Variants in PCDH9 observed in about 807,000 individuals in gnomAD.
PCDH9 encodes the protein protocadherin 9, also known as protocadherin-9.
Under a neutral mutation model 70.6 loss-of-function variants are expected in PCDH9, and 24 were observed. The ratio of observed to expected loss-of-function variants is 0.34; its 90% CI spans 0.25 to 0.48. PCDH9 has a LOEUF of 0.48. Ranked by LOEUF, PCDH9 falls within the 20% of genes least tolerant of loss-of-function variation. PCDH9 has a pLI of 0.99. For missense variants in PCDH9, 1,281 were observed against 1,503.6 expected, an observed-to-expected ratio of 0.85 and a Z score of 2.45; for synonymous variants, 562 against 558.5, an observed-to-expected ratio of 1.01 and a Z score of -0.09.
intron 2 of PCDH9, among the ~76,000 whole-genome samples, chr13:67,116,411 C>G (rs1351416692): frequency 6.6e-6 from 1 of 151,840 alleles, no homozygotes; most frequent in Non-Finnish European, 1.5e-5. Flanking sequence ...GATGATTTTC[C>G]CCACAACTTC....
intron 4 of PCDH9, among the ~76,000 whole-genome samples, chr13:66,404,501 A>T (rs1293683170): frequency 6.6e-6 from 1 of 152,160 alleles, no homozygotes; most frequent in African/African-American, 2.4e-5. Context: ...TTGTAAGGAA[A>T]TTGGATTCAC....
At chr13:66,796,915 A>G (rs975174213) in intron 3 of PCDH9, among the ~76,000 whole-genome samples, 4 of 152,136 alleles carry the variant, frequency 2.6e-5, no homozygotes, top group Non-Finnish European at 4.4e-5. Flanking sequence ...TTTCTGTGGC[A>G]GATGAAGACT....
intron 2 of PCDH9, among the ~76,000 whole-genome samples, chr13:67,004,532 G>A (rs2084310041): frequency 6.9e-6 from 1 of 144,528 alleles, no homozygotes. Flanking sequence ...ACTCCAGCCT[G>A]GGTGACAGAG....
intron 3 of PCDH9, among the ~76,000 whole-genome samples, chr13:66,822,740 C>G (rs1315135319): frequency 6.6e-6 from 1 of 151,798 alleles, no homozygotes; most frequent in Non-Finnish European, 1.5e-5. Flanking sequence ...TGGCCCCTGA[C>G]CTAAAGTGAT....
chr13:66,761,133 C>G (rs1328762307), intron 3 of PCDH9, among the ~76,000 whole-genome samples: 1 of 151,498 alleles, frequency 6.6e-6, no homozygotes, highest in African/African-American at 2.4e-5. Context: ...CGACCCACAC[C>G]CTATTCGTAC....
chr13:66,904,668 C>A (rs1048460497), intron 2 of PCDH9, among the ~76,000 whole-genome samples: 7 of 151,958 alleles, frequency 4.6e-5, no homozygotes, highest in African/African-American at 1.7e-4. Context: ...TTTACTATCT[C>A]AAAGTAAAAT....
intron 3 of PCDH9, among the ~76,000 whole-genome samples, chr13:66,793,696 A>C (rs930694923): frequency 4.6e-5 from 7 of 152,322 alleles, no homozygotes; most frequent in African/African-American, 1.7e-4. Flanking sequence ...AGGAAAAAAG[A>C]GTATAAGGCA....
At chr13:67,032,673 G>A (rs997310574) in intron 2 of PCDH9, among the ~76,000 whole-genome samples, 2 of 152,158 alleles carry the variant, frequency 1.3e-5, no homozygotes, top group African/African-American at 2.4e-5. Flanking sequence ...TTGGACAAAT[G>A]TCCATGCTAT....
intron 2 of PCDH9, among the ~76,000 whole-genome samples, chr13:66,911,918 C>A (rs573262240): frequency 1.3e-5 from 2 of 152,170 alleles, no homozygotes; most frequent in African/African-American, 4.8e-5. Flanking sequence ...TTTTTGGGTG[C>A]CAGGGTTAGT....
At position 67,109,364 on chromosome 13, in the gene PCDH9, A is replaced by C. The variant is rs543169226; in HGVS notation, c.3036+116041T>G. Among the ~76,000 whole-genome samples, 51 of 152,308 alleles carry C rather than the reference A, an allele frequency of 3.3e-4. No individual in the cohort carries two copies. In the South Asian group the frequency reaches 0.011, roughly 32 times the overall value. On this transcript the variant is annotated intron_variant, in intron 2 of 4. Coordinates refer to ENST00000377865, the MANE Select transcript of PCDH9 (RefSeq NM_203487.3). ...AGATTTAGGTAATTGCGTGTTATGA[A>C]AATGATTAAATTCATTTCCCTAAGT... is the stretch of plus-strand genomic sequence containing the variant.
rs766300818 is a variant in PCDH9 at position 67,225,882 on chromosome 13, A to G, written c.2559T>C (p.Gly853=). 32 of 1,613,950 alleles carry G rather than the reference A, an allele frequency of 2.0e-5. No individual in the cohort carries two copies. Among genetic ancestry groups the G allele is most frequent in the Non-Finnish European group, 2.5e-5 (29 of 1,180,002 alleles). The change falls in exon 2 of 5, where the codon GGT becomes GGC. Residue 853 remains glycine, a synonymous_variant. Coordinates refer to ENST00000377865, the MANE Select transcript of PCDH9 (RefSeq NM_203487.3). ...RFKAAQRSKQ[G]AEWMSPNQEN... ...CCTGGTTTGGGGACATCCATTCGGC[A>G]CCTTGCTTGCTCCTCTGAGCTGCTT...
chr13:66,611,268 T>C (rs2077290727), intron 4 of PCDH9, among the ~76,000 whole-genome samples: 1 of 152,204 alleles, frequency 6.6e-6, no homozygotes, highest in African/African-American at 2.4e-5. Context: ...AAATATAGCA[T>C]ATTACATTTT....
chr13:66,430,124 A>G (rs1425702069), intron 4 of PCDH9, among the ~76,000 whole-genome samples: 1 of 152,078 alleles, frequency 6.6e-6, no homozygotes, highest in Non-Finnish European at 1.5e-5. Flanking sequence ...AAAGTAATAC[A>G]TGCTTACTAC....
At chr13:66,641,854 T>C (rs893372660) in intron 3 of PCDH9, among the ~76,000 whole-genome samples, 8 of 152,196 alleles carry the variant, frequency 5.3e-5, no homozygotes, top group Non-Finnish European at 7.4e-5. Flanking sequence ...CATGTATTTC[T>C]TCTTAGTAAT....
intron 2 of PCDH9, among the ~76,000 whole-genome samples, chr13:67,045,317 T>C (rs1465925280): frequency 6.6e-6 from 1 of 152,142 alleles, no homozygotes; most frequent in Non-Finnish European, 1.5e-5. Flanking sequence ...AAATTCTATG[T>C]CCCAGCTAAC....
chr13:66,681,295 T>C (rs2078316070), intron 3 of PCDH9, among the ~76,000 whole-genome samples: 1 of 152,162 alleles, frequency 6.6e-6, no homozygotes. Flanking sequence ...CTGCATTATA[T>C]GGTTCTAAAG....
At chr13:66,461,992 T>C (rs1958432894) in intron 4 of PCDH9, among the ~76,000 whole-genome samples, 1 of 151,776 alleles carries the variant, frequency 6.6e-6, no homozygotes, top group Non-Finnish European at 1.5e-5. Context: ...GAGTAATTGT[T>C]GCAGCAGTGC....
intron 2 of PCDH9, among the ~76,000 whole-genome samples, chr13:67,024,490 T>C (rs1385997265): frequency 6.6e-6 from 1 of 152,160 alleles, no homozygotes; most frequent in Non-Finnish European, 1.5e-5. Flanking sequence ...TATCACATAA[T>C]AAATTATATT....
At chr13:66,412,700 CCAT>C (rs1234659703) in intron 4 of PCDH9, among the ~76,000 whole-genome samples, 2 of 152,174 alleles carry the variant, frequency 1.3e-5, no homozygotes, top group African/African-American at 4.8e-5. Flanking sequence ...AACAGTCTGT[CCAT>C]ACCAATGCTA....
Sources: allele counts gnomAD v4.1 joint callset (sites outside exome capture counted in the v4.1 genomes callset), GRCh38; gene constraint gnomAD v4.1.1; transcripts MANE v1.5; gene names NCBI Gene and HGNC (gene_info 2026-07-23, HGNC 2026-07-21).